KHDRBS2: variants seen among roughly 807,000 people sequenced by gnomAD.
The protein encoded by KHDRBS2 is KH RNA binding domain containing, signal transduction associated 2.
KHDRBS2 carries 26 observed loss-of-function variants against 44.3 expected under a neutral mutation model. The ratio of observed to expected loss-of-function variants is 0.59; its 90% CI spans 0.43 to 0.81. The LOEUF is 0.81. Ranked by LOEUF, KHDRBS2 falls within the 40% of genes least tolerant of loss-of-function variation. KHDRBS2 has a pLI of 0.00. For synonymous variants in KHDRBS2, 194 were observed against 151.1 expected (o/e 1.28, Z -2.08); for missense variants, 476 against 433.1 (o/e 1.10, Z -0.88).
chr6:61,788,036 A>C (rs189203338), intron 6 of KHDRBS2, among the ~76,000 whole-genome samples: 1 of 151,658 alleles, frequency 6.6e-6, no homozygotes, highest in Non-Finnish European at 1.5e-5. Flanking sequence ...TTGAATTCAT[A>C]CATTTGTTGG....
At chr6:61,658,484 AT>A in the KHDRBS2 span, among the ~76,000 whole-genome samples, 1 of 151,914 alleles carries the variant, frequency 6.6e-6, no homozygotes, top group African/African-American at 2.4e-5. Context: ...CCCAGCCAAA[AT>A]TAATTTTTAA....
chr6:61,966,693 T>C (rs1219095443), intron 4 of KHDRBS2, among the ~76,000 whole-genome samples: 1 of 152,060 alleles, frequency 6.6e-6, no homozygotes, highest in Admixed American at 6.6e-5. Flanking sequence ...TATTCTAACT[T>C]CTAACTGTAA....
chr6:61,593,335 G>C, the KHDRBS2 span, among the ~76,000 whole-genome samples: 1 of 152,094 alleles, frequency 6.6e-6, no homozygotes, highest in Non-Finnish European at 1.5e-5. Context: ...AGAAAAGTTG[G>C]AAATGTTAAT....
intron 2 of KHDRBS2, among the ~76,000 whole-genome samples, chr6:62,161,943 C>CA (rs1817747314): frequency 6.6e-6 from 1 of 151,948 alleles, no homozygotes; most frequent in South Asian, 2.1e-4. Flanking sequence ...GTTGATGTCA[C>CA]AAAATTACAT....
chr6:61,699,276 G>A (rs1281087321), intron 7 of KHDRBS2, among the ~76,000 whole-genome samples: 1 of 151,882 alleles, frequency 6.6e-6, no homozygotes, highest in African/African-American at 2.4e-5. Context: ...ATGCAAAAGA[G>A]AAATTTAATT....
chr6:62,073,503 T>G (rs1053839889), intron 2 of KHDRBS2, among the ~76,000 whole-genome samples: 2 of 150,716 alleles, frequency 1.3e-5, no homozygotes, highest in African/African-American at 4.9e-5. Context: ...AGAGCCAGAT[T>G]ATGGTTTGGT....
chr6:61,680,910 A>C lies in KHDRBS2; in HGVS notation c.*53T>G. 1 of 1,132,386 alleles carries C rather than the reference A, an allele frequency of 8.8e-7. No homozygotes were observed. Among genetic ancestry groups the C allele is most frequent in the East Asian group, 2.4e-5 (1 of 42,070 alleles). 70.1% of individuals were successfully genotyped at this position (1,132,386 alleles called of 1,614,324 possible). ...ACTTGTCTTGTTGCTGTTTATGTGG[A>C]GACCACAGGCTATGAATTGTCTTTG... On this transcript the variant is annotated 3_prime_UTR_variant, in exon 9 of 9. Coordinates refer to ENST00000281156, the MANE Select transcript of KHDRBS2 (RefSeq NM_152688.4).
At chr6:61,988,574 G>T (rs1775513176) in intron 3 of KHDRBS2, among the ~76,000 whole-genome samples, 1 of 152,168 alleles carries the variant, frequency 6.6e-6, no homozygotes, top group Admixed American at 6.6e-5. Context: ...GGGAGTAGGT[G>T]CTGGGAAGAA....
the KHDRBS2 span, among the ~76,000 whole-genome samples, chr6:61,560,815 A>G: frequency 6.6e-6 from 1 of 152,100 alleles, no homozygotes; most frequent in African/African-American, 2.4e-5. Flanking sequence ...ATTGTCTCTC[A>G]TGCTTTATTA....
rs1400665055 is a variant in KHDRBS2 at position 61,945,099 on chromosome 6, A to T, written c.483+32967T>A. The stretch of plus-strand genomic sequence containing the variant: ...GAGTGAGACTCTGTCTTAAAAAAAA[A>T]AAAAAAAAAAAAAGTATATATATAT... On this transcript the variant is annotated intron_variant, in intron 4 of 8. Transcript: ENST00000281156. Among the ~76,000 whole-genome samples, 625 of 67,920 alleles carry T rather than the reference A, an allele frequency of 9.2e-3. 33 individuals carry two copies. The highest frequency in any genetic ancestry group is 0.034 in the African/African-American group (589 of 17,234). 44.6% of individuals were successfully genotyped at this position (67,920 alleles called of 152,430 possible).
intron 2 of KHDRBS2, among the ~76,000 whole-genome samples, chr6:62,107,746 A>T (rs999476048): frequency 2.0e-5 from 3 of 152,198 alleles, no homozygotes; most frequent in African/African-American, 7.2e-5. Context: ...CAAAACAGAG[A>T]TATAAATCAA....
At chr6:61,574,549 T>C in the KHDRBS2 span, 3 of 533,130 alleles carry the variant, frequency 5.6e-6, no homozygotes, top group Non-Finnish European at 9.9e-6. Flanking sequence ...GAGCAACATA[T>C]GCTGAGACTT....
Position 62,024,986 on chromosome 6 carries a change from T to A in KHDRBS2, c.336+22892A>T, listed in dbSNP as rs539815943. Among the ~76,000 whole-genome samples the A allele has an allele frequency of 2.1e-3, 322 of 151,722 alleles. 1 individual carries two copies. The highest frequency in any genetic ancestry group is 7.3e-3 in the African/African-American group (303 of 41,520). On this transcript the variant is annotated intron_variant, in intron 3 of 8. Coordinates refer to ENST00000281156, the MANE Select transcript of KHDRBS2 (RefSeq NM_152688.4). ...TCAACATATAAAACAGTCAAAACAATAACCATTAAACTGAAGAGTAAAATT... is the reference window on the plus strand; with the variant it reads ...TCAACATATAAAACAGTCAAAACAAAAACCATTAAACTGAAGAGTAAAATT...
Position 61,976,729 on chromosome 6 carries a change from G to A in KHDRBS2, c.483+1337C>T, listed in dbSNP as rs76155693. ...AATTTAAATGACTTGAAGTCATGTAGTATGTTAGTAATGTACAGTCCTAGT... is the reference window on the plus strand; with the variant it reads ...AATTTAAATGACTTGAAGTCATGTAATATGTTAGTAATGTACAGTCCTAGT... On this transcript the variant is annotated intron_variant, in intron 4 of 8. Transcript: ENST00000281156. Among the ~76,000 whole-genome samples the A allele has an allele frequency of 9.2e-3, 1,402 of 152,216 alleles. 12 individuals are homozygous for A. Among genetic ancestry groups the A allele is most frequent in the Non-Finnish European group, 0.016 (1,086 of 68,008 alleles).
intron 8 of KHDRBS2, among the ~76,000 whole-genome samples, chr6:61,682,427 T>A (rs1175685253): frequency 6.6e-6 from 1 of 151,898 alleles, no homozygotes; most frequent in Non-Finnish European, 1.5e-5. Flanking sequence ...GAAATAAATA[T>A]AACAAATGTT....
At chr6:62,048,229 C>G (rs1788174255) in intron 2 of KHDRBS2, among the ~76,000 whole-genome samples, 1 of 151,030 alleles carries the variant, frequency 6.6e-6, no homozygotes, top group Non-Finnish European at 1.5e-5. Context: ...AAAAGAATGC[C>G]AAAGTGAAAA....
chr6:61,819,835 A>G (rs1409374208), intron 6 of KHDRBS2, among the ~76,000 whole-genome samples: 4 of 152,024 alleles, frequency 2.6e-5, no homozygotes, highest in Non-Finnish European at 5.9e-5. Flanking sequence ...AAACCAACTG[A>G]TAAGAATAAA....
chr6:61,726,751 C>T (rs1198403348), intron 7 of KHDRBS2, among the ~76,000 whole-genome samples: 7 of 152,008 alleles, frequency 4.6e-5, no homozygotes, highest in South Asian at 4.1e-4. Context: ...AACTACAAAC[C>T]GCTGCTCAAG....
intron 1 of KHDRBS2, among the ~76,000 whole-genome samples, chr6:62,197,081 G>A (rs1468322950): frequency 6.6e-6 from 1 of 152,128 alleles, no homozygotes; most frequent in Admixed American, 6.6e-5. Flanking sequence ...AAGTTTCACA[G>A]TAAGTAGAGC....
Sources: allele counts gnomAD v4.1 joint callset (sites outside exome capture counted in the v4.1 genomes callset), GRCh38; gene constraint gnomAD v4.1.1; transcripts MANE v1.5; gene names NCBI Gene and HGNC (gene_info 2026-07-23, HGNC 2026-07-21).